The following PTPRD variants were observed in gnomAD, a reference collection of about 807,000 sequenced individuals.
PTPRD encodes receptor-type tyrosine-protein phosphatase delta.
PTPRD carries 34 observed loss-of-function variants against 214.5 expected under a neutral mutation model. The observed-to-expected ratio is 0.16, with a 90% CI of 0.12 to 0.21. The LOEUF is 0.21. Among genes scored for constraint, PTPRD ranks in the 10% least tolerant of loss-of-function variants. The probability of loss-of-function intolerance (pLI) is 1.00; values close to 1 mark genes in which losing one functional copy is unlikely to be tolerated. For synonymous variants in PTPRD, 1,128 were observed against 845.7 expected, an observed-to-expected ratio of 1.33 and a Z score of -5.79; for missense variants, 2,545 against 2,398.7, an observed-to-expected ratio of 1.06 and a Z score of -1.27.
chr9:10,310,487 T>C (rs978080612), intron 3 of PTPRD, among the ~76,000 whole-genome samples: 2 of 151,858 alleles, frequency 1.3e-5, no homozygotes, highest in South Asian at 2.1e-4. Context: ...CTCATGCAGA[T>C]AAATGGAAGG....
intron 5 of PTPRD, among the ~76,000 whole-genome samples, chr9:9,824,684 T>C (rs2052066017): frequency 6.6e-6 from 1 of 152,026 alleles, no homozygotes; most frequent in East Asian, 1.9e-4. Context: ...ATGTTTTTAT[T>C]GTTAGGAATC....
chr9:9,000,513 T>C (rs2099413847), intron 11 of PTPRD, among the ~76,000 whole-genome samples: 1 of 151,964 alleles, frequency 6.6e-6, no homozygotes, highest in Non-Finnish European at 1.5e-5. Flanking sequence ...ATTAACCTTT[T>C]TAAAAAACTT....
chr9:8,414,926 A>AGG lies in PTPRD; in HGVS notation c.4087-10268_4087-10267dup, dbSNP rs573092776. The stretch of plus-strand genomic sequence containing the variant: ...TGGGGAGGGAGGGGGAGAGAGAGGG[A>AGG]GGGGGAGAGAGAGAGAGAGAGAGAG... On this transcript the variant is annotated intron_variant, in intron 35 of 45. Transcript: ENST00000381196. 5.9e-3 allele frequency among the ~76,000 whole-genome samples: 329 copies of AGG among 55,772 alleles called. 3 individuals are homozygous for AGG. The highest frequency in any genetic ancestry group is 0.014 in the South Asian group (12 of 884). The allele number at this position is 55,772 out of a possible 152,430, so 36.6% of individuals were successfully genotyped here.
At chr9:9,463,118 A>G (rs1250201579) in intron 8 of PTPRD, among the ~76,000 whole-genome samples, 1 of 152,108 alleles carries the variant, frequency 6.6e-6, no homozygotes, top group African/African-American at 2.4e-5. Flanking sequence ...GCCTCTTCAG[A>G]CTGAACCACA....
intron 11 of PTPRD, among the ~76,000 whole-genome samples, chr9:8,988,560 A>G (rs944745351): frequency 4.6e-5 from 7 of 152,092 alleles, no homozygotes; most frequent in African/African-American, 1.7e-4. Flanking sequence ...TGGAGATAAA[A>G]ACAGGTTTTA....
chr9:9,931,432 G>A (rs577665311), intron 5 of PTPRD, among the ~76,000 whole-genome samples: 1 of 152,190 alleles, frequency 6.6e-6, no homozygotes. Context: ...AGGTGTCAGG[G>A]AGTTCCCTTT....
intron 10 of PTPRD, among the ~76,000 whole-genome samples, chr9:9,181,971 T>C (rs1251581191): frequency 3.3e-5 from 5 of 151,954 alleles, no homozygotes; most frequent in Non-Finnish European, 7.4e-5. Context: ...TGCTGAAACA[T>C]AAAGCAGAAT....
Position 9,464,156 on chromosome 9 carries a change from A to T in PTPRD, c.-236-66674T>A, listed in dbSNP as rs372967351. Among the ~76,000 whole-genome samples, 5 of 152,110 alleles carry T rather than the reference A, an allele frequency of 3.3e-5. No homozygotes were observed. In the East Asian group the frequency reaches 5.8e-4, roughly 18 times the overall value. ...AAAGCCTCCATTCCAGGAAACACTC[A>T]TTGTCTAGATGATTTGCTTTCTCTC... On this transcript the variant is annotated intron_variant, in intron 8 of 45. Coordinates refer to ENST00000381196, the MANE Select transcript of PTPRD (RefSeq NM_002839.4).
rs2099591133 is a variant in PTPRD, at chr9:10,227,020, G to A, written c.-545+113943C>T. On this transcript the variant is annotated intron_variant, in intron 3 of 45. Coordinates refer to ENST00000381196, the MANE Select transcript of PTPRD (RefSeq NM_002839.4). ...ACGTTGGCAAAATTATCAAAACTCTGCCCCATCAACAAATAGGTGATGACA... is the reference window on the plus strand; with the variant it reads ...ACGTTGGCAAAATTATCAAAACTCTACCCCATCAACAAATAGGTGATGACA... 2.6e-5 allele frequency among the ~76,000 whole-genome samples: 4 copies of A among 151,928 alleles called. No homozygotes were observed. The South Asian group carries it at 8.3e-4, about 32-fold the overall frequency.
chr9:9,862,552 G>C (rs1246281745), intron 5 of PTPRD, among the ~76,000 whole-genome samples: 1 of 152,142 alleles, frequency 6.6e-6, no homozygotes, highest in African/African-American at 2.4e-5. Context: ...CATGGCAAAG[G>C]CTTCAGAAAC....
At chr9:8,456,640 G>C (rs959665213) in intron 33 of PTPRD, among the ~76,000 whole-genome samples, 1 of 152,148 alleles carries the variant, frequency 6.6e-6, no homozygotes, top group Non-Finnish European at 1.5e-5. Flanking sequence ...AGAAAGAGAA[G>C]ACTAAAGACA....
chr9:10,534,257 A>G (rs956681398), intron 2 of PTPRD, among the ~76,000 whole-genome samples: 1 of 152,026 alleles, frequency 6.6e-6, no homozygotes, highest in African/African-American at 2.4e-5. Flanking sequence ...CTATGGGACC[A>G]TCTTCCAAAG....
chr9:8,460,930 T>C (rs2096381436), intron 32 of PTPRD, among the ~76,000 whole-genome samples: 1 of 152,072 alleles, frequency 6.6e-6, no homozygotes, highest in Non-Finnish European at 1.5e-5. Context: ...ATTTACATTG[T>C]GCCAAGGCGT....
intron 11 of PTPRD, among the ~76,000 whole-genome samples, chr9:8,741,989 C>T (rs941928475): frequency 1.3e-5 from 2 of 152,124 alleles, no homozygotes; most frequent in South Asian, 2.1e-4. Flanking sequence ...CTAGACAAGA[C>T]ATTTTCATGC....
At chr9:9,927,724 G>T (rs1391242510) in intron 5 of PTPRD, among the ~76,000 whole-genome samples, 1 of 152,088 alleles carries the variant, frequency 6.6e-6, no homozygotes, top group Non-Finnish European at 1.5e-5. Context: ...ATCTAATGCA[G>T]TGCAATGTTC....
chr9:9,429,438 C>A (rs1257089089), intron 8 of PTPRD, among the ~76,000 whole-genome samples: 1 of 152,120 alleles, frequency 6.6e-6, no homozygotes, highest in Non-Finnish European at 1.5e-5. Context: ...AAGTCCATGA[C>A]CAGATGGATT....
At chr9:9,735,722 T>C (rs535077322) in intron 6 of PTPRD, among the ~76,000 whole-genome samples, 1 of 152,204 alleles carries the variant, frequency 6.6e-6, no homozygotes, top group South Asian at 2.1e-4. Flanking sequence ...CCTTACTGAA[T>C]TCTCTAGCCT....
At chr9:10,255,287 A>G (rs1336391867) in intron 3 of PTPRD, among the ~76,000 whole-genome samples, 1 of 152,218 alleles carries the variant, frequency 6.6e-6, no homozygotes, top group Non-Finnish European at 1.5e-5. Flanking sequence ...TAGACGGTAC[A>G]GCCTACTACA....
intron 2 of PTPRD, among the ~76,000 whole-genome samples, chr9:10,393,001 T>C (rs1349807227): frequency 6.6e-6 from 1 of 151,786 alleles, no homozygotes; most frequent in Non-Finnish European, 1.5e-5. Context: ...GCTTTGGGAA[T>C]TTGGACTTTC....
Sources: gnomAD v4.1 joint callset for allele counts (sites outside exome capture counted in the v4.1 genomes callset) on GRCh38, gnomAD v4.1.1 for gene constraint, MANE v1.5 for transcripts, NCBI Gene and HGNC (gene_info 2026-07-23, HGNC 2026-07-21) for gene names.